Variants in NPAS3 observed in about 807,000 individuals in gnomAD.
NPAS3 encodes neuronal PAS domain protein 3.
Under a neutral mutation model 73.1 loss-of-function variants are expected in NPAS3, and 14 were observed. That is an observed-to-expected ratio of 0.19 (90% confidence interval 0.13 to 0.30). NPAS3 has a LOEUF of 0.30. Ranked by LOEUF, NPAS3 falls within the 10% of genes least tolerant of loss-of-function variation. NPAS3 has a pLI of 1.00. For synonymous variants in NPAS3, 620 were observed against 541.5 expected (o/e 1.14, Z -2.01); for missense variants, 1,096 against 1,250.0 (o/e 0.88, Z 1.86).
intron 3 of NPAS3, among the ~76,000 whole-genome samples, chr14:33,245,032 C>T (rs1005091462): frequency 2.0e-5 from 3 of 152,118 alleles, no homozygotes; most frequent in Non-Finnish European, 2.9e-5. Context: ...TGGTTCCTCA[C>T]CCTGGCAGTT....
chr14:33,176,057 G>A (rs1251877049), intron 2 of NPAS3, among the ~76,000 whole-genome samples: 1 of 151,970 alleles, frequency 6.6e-6, no homozygotes, highest in Non-Finnish European at 1.5e-5. Flanking sequence ...ATTTTAAGAG[G>A]AAATAGATAG....
intron 8 of NPAS3, among the ~76,000 whole-genome samples, chr14:33,775,491 A>G (rs867092666): frequency 6.6e-6 from 1 of 152,190 alleles, no homozygotes; most frequent in Non-Finnish European, 1.5e-5. Context: ...AGACTAACCA[A>G]GAAGATAGCC....
chr14:32,951,363 AT>A lies in NPAS3; in HGVS notation c.50+12003del, dbSNP rs140035299. ...CCATATTTATAAAATGATTAAATAAATTTTTTATGTCAAATATGGTGCTTGT... is the reference window on the plus strand; with the variant it reads ...CCATATTTATAAAATGATTAAATAAATTTTTATGTCAAATATGGTGCTTGT... On this transcript the variant is annotated intron_variant, in intron 1 of 11. Coordinates refer to ENST00000356141, the Ensembl canonical transcript of NPAS3. Among the ~76,000 whole-genome samples, 35 of 152,210 alleles carry A rather than the reference AT, an allele frequency of 2.3e-4. 1 individual carries two copies. The East Asian group carries it at 5.4e-3, about 23-fold the overall frequency.
In NPAS3 at chr14:33,681,234, G is replaced by GATATGACATATACT. The variant is rs1289764854; in HGVS notation, c.733+4850_733+4863dup. On this transcript the variant is annotated intron_variant, in intron 6 of 11. Transcript: ENST00000356141. ...ATATTTTGTATAAAAAAACGGCTTG[G>GATATGACATATACT]ATATGACATATACTTGTACTTCTAT... is the stretch of plus-strand genomic sequence containing the variant. 2.6e-5 allele frequency among the ~76,000 whole-genome samples: 4 copies of GATATGACATATACT among 152,120 alleles called. No individual in the cohort carries two copies. In the East Asian group the frequency reaches 7.7e-4, roughly 29 times the overall value.
chr14:33,418,561 C>G (rs1359309395), intron 4 of NPAS3, among the ~76,000 whole-genome samples: 1 of 151,894 alleles, frequency 6.6e-6, no homozygotes, highest in Non-Finnish European at 1.5e-5. Flanking sequence ...CTCTTACATT[C>G]TTTTCTATAA....
intron 7 of NPAS3, among the ~76,000 whole-genome samples, chr14:33,752,045 C>T (rs1032469131): frequency 1.3e-5 from 2 of 152,036 alleles, no homozygotes; most frequent in African/African-American, 4.8e-5. Context: ...AAAAATAAAC[C>T]TTTATATTCC....
rs180850133 is a variant in NPAS3 at position 33,477,028 on chromosome 14, G to A, written c.469-83093G>A. Among the ~76,000 whole-genome samples the A allele has an allele frequency of 3.1e-4, 43 of 138,434 alleles. 1 individual carries two copies. The highest frequency in any genetic ancestry group is 2.8e-3 in the Admixed American group (40 of 14,244). 90.8% of individuals were successfully genotyped at this position (138,434 alleles called of 152,430 possible). Reference sequence around the variant, plus strand: ...TCTTACAATATTAATATCTTGCTCTGTCTTCCTTAGAGGTGGAAAAGAGTT... The same window carrying A: ...TCTTACAATATTAATATCTTGCTCTATCTTCCTTAGAGGTGGAAAAGAGTT... On this transcript the variant is annotated intron_variant, in intron 4 of 11. Coordinates refer to ENST00000356141, the Ensembl canonical transcript of NPAS3.
At chr14:33,469,191 C>A (rs527844934) in intron 4 of NPAS3, among the ~76,000 whole-genome samples, 56 of 151,780 alleles carry the variant, frequency 3.7e-4, no homozygotes, top group Admixed American at 1.5e-3. Flanking sequence ...CATGTTTAAA[C>A]CTTTAAAAAA....
At chr14:33,700,858 TG>T (rs2060506144) in intron 6 of NPAS3, among the ~76,000 whole-genome samples, 3 of 152,214 alleles carry the variant, frequency 2.0e-5, no homozygotes, top group Admixed American at 1.3e-4. Flanking sequence ...TTAAACCCAG[TG>T]TGGAAGATTT....
At chr14:33,409,573 T>G (rs2047826033) in intron 4 of NPAS3, among the ~76,000 whole-genome samples, 1 of 152,190 alleles carries the variant, frequency 6.6e-6, no homozygotes, top group African/African-American at 2.4e-5. Flanking sequence ...AATTAAGTAT[T>G]TCCCTGCCCT....
intron 4 of NPAS3, among the ~76,000 whole-genome samples, chr14:33,487,357 A>T (rs1426699011): frequency 1.3e-5 from 2 of 152,200 alleles, no homozygotes; most frequent in Non-Finnish European, 2.9e-5. Flanking sequence ...TTTGATAAGC[A>T]TTTCAGGCAA....
rs550456598 is a variant in NPAS3 at position 33,311,221 on chromosome 14, G to C, written c.386-55965G>C. On this transcript the variant is annotated intron_variant, in intron 3 of 11. Coordinates refer to ENST00000356141, the Ensembl canonical transcript of NPAS3. ...GCTGTCCTTTGGCAAAGTGCTCTCA[G>C]TATTTCGAAATAATAATAGAAAAAT... Among the ~76,000 whole-genome samples the C allele has an allele frequency of 3.9e-4, 60 of 152,138 alleles. No individual in the cohort carries two copies. The South Asian group carries it at 0.012, about 31-fold the overall frequency.
chr14:33,021,686 A>T (rs1372336172), intron 1 of NPAS3, among the ~76,000 whole-genome samples: 2 of 152,134 alleles, frequency 1.3e-5, no homozygotes, highest in African/African-American at 4.8e-5. Context: ...GCACCCTAAT[A>T]TTCCTTTCTC....
At chr14:33,105,274 A>G (rs751758541) in intron 2 of NPAS3, among the ~76,000 whole-genome samples, 31 of 152,168 alleles carry the variant, frequency 2.0e-4, no homozygotes, top group Non-Finnish European at 8.8e-5. Context: ...TCTTCCAAGG[A>G]GCATCAAACT....
chr14:33,229,785 C>T (rs1224363197), intron 3 of NPAS3, among the ~76,000 whole-genome samples: 1 of 152,174 alleles, frequency 6.6e-6, no homozygotes, highest in Non-Finnish European at 1.5e-5. Flanking sequence ...GTCAACGACT[C>T]TAATAATTTG....
intron 2 of NPAS3, among the ~76,000 whole-genome samples, chr14:33,068,712 G>T (rs890743840): frequency 1.3e-5 from 2 of 152,168 alleles, no homozygotes; most frequent in Non-Finnish European, 2.9e-5. Flanking sequence ...ATAATAGATG[G>T]TGACCATTAA....
At chr14:33,290,534 G>A (rs2042059020) in intron 3 of NPAS3, among the ~76,000 whole-genome samples, 1 of 152,198 alleles carries the variant, frequency 6.6e-6, no homozygotes, top group Admixed American at 6.5e-5. Flanking sequence ...GCAGGCAGCT[G>A]TGTGGGTGAG....
At chr14:33,260,068 A>G (rs979817048) in intron 3 of NPAS3, among the ~76,000 whole-genome samples, 1 of 152,156 alleles carries the variant, frequency 6.6e-6, no homozygotes, top group Non-Finnish European at 1.5e-5. Context: ...TGGCCCTGGC[A>G]ACTTCATAGC....
At chr14:33,371,788 A>G (rs1366379665) in intron 4 of NPAS3, among the ~76,000 whole-genome samples, 1 of 152,174 alleles carries the variant, frequency 6.6e-6, no homozygotes, top group African/African-American at 2.4e-5. Flanking sequence ...AAATATGATG[A>G]ATTTTTACTG....
Sources: allele counts gnomAD v4.1 joint callset (sites outside exome capture counted in the v4.1 genomes callset), GRCh38; gene constraint gnomAD v4.1.1; transcripts MANE v1.5; gene names NCBI Gene and HGNC (gene_info 2026-07-23, HGNC 2026-07-21).